The following GSE1 variants were observed in gnomAD, a reference collection of about 807,000 sequenced individuals.
GSE1 encodes Gse1 coiled-coil protein.
Under a neutral mutation model 112.6 loss-of-function variants are expected in GSE1, and 32 were observed. The ratio of observed to expected loss-of-function variants is 0.28; its 90% CI spans 0.21 to 0.38. The LOEUF (loss-of-function observed/expected upper bound fraction) is 0.38. Among genes scored for constraint, GSE1 ranks in the 10% least tolerant of loss-of-function variants. The probability of loss-of-function intolerance (pLI) is 1.00; values close to 1 mark genes in which losing one functional copy is unlikely to be tolerated. For synonymous variants in GSE1, 1,115 were observed against 735.6 expected, an observed-to-expected ratio of 1.52 and a Z score of -8.35; for missense variants, 2,348 against 1,699.2, an observed-to-expected ratio of 1.38 and a Z score of -6.71.
At chr16:85,230,244 C>T (rs1904274964) in intron 1 of GSE1, among the ~76,000 whole-genome samples, 1 of 152,196 alleles carries the variant, frequency 6.6e-6, no homozygotes. Context: ...TTTGTAACCT[C>T]ATTGTTTGTG....
At chr16:85,421,019 C>T (rs920096236) in intron 2 of GSE1, among the ~76,000 whole-genome samples, 3 of 152,246 alleles carry the variant, frequency 2.0e-5, no homozygotes, top group African/African-American at 7.2e-5. Context: ...GTGGCCCCCT[C>T]TGTAAAATGG....
chr16:85,673,750 G>A lies in GSE1; in HGVS notation c.*1211G>A, dbSNP rs915591908. 6.6e-6 allele frequency: 1 copy of A among 152,186 alleles called. No homozygotes were observed. Among genetic ancestry groups the A allele is most frequent in the Non-Finnish European group, 1.5e-5 (1 of 68,038 alleles). The allele number at this position is 152,186 out of a possible 1,614,324, so 9.4% of individuals were successfully genotyped here. ...ACCCATTGCTATCAAGGGAGGAGGG[G>A]GTAGTCTGTAGAACCCATGTGTGAC... On this transcript the variant is annotated 3_prime_UTR_variant, in exon 16 of 16. Transcript: ENST00000253458.
intron 1 of GSE1, among the ~76,000 whole-genome samples, chr16:85,207,044 CGGCTCTT>C: frequency 6.6e-6 from 1 of 152,374 alleles, no homozygotes; most frequent in East Asian, 1.9e-4. Flanking sequence ...CTGCTGGCCC[CGGCTCTT>C]GGCAGGTCCG....
chr16:85,240,643 G>C (rs113078291), intron 1 of GSE1, among the ~76,000 whole-genome samples: 1,674 of 152,296 alleles, frequency 0.011, 31 homozygotes, highest in African/African-American at 0.038. Context: ...GCATGGAGGG[G>C]TCATGAAGAG....
chr16:85,639,514 T>C (rs1567698274), intron 2 of GSE1, among the ~76,000 whole-genome samples: 1 of 152,248 alleles, frequency 6.6e-6, no homozygotes, highest in East Asian at 1.9e-4. Flanking sequence ...CTAGCCTGCC[T>C]TGCGGGTGTG....
chr16:85,475,583 T>C (rs1222543980), intron 2 of GSE1, among the ~76,000 whole-genome samples: 1 of 152,206 alleles, frequency 6.6e-6, no homozygotes, highest in Non-Finnish European at 1.5e-5. Flanking sequence ...ATTTGTAGCA[T>C]GCCTCAGTTT....
At chr16:85,507,943 G>A (rs1033393356) in intron 2 of GSE1, among the ~76,000 whole-genome samples, 6 of 152,178 alleles carry the variant, frequency 3.9e-5, no homozygotes, top group African/African-American at 9.7e-5. Flanking sequence ...CATGTAATGG[G>A]CCCCTGCATG....
intron 1 of GSE1, among the ~76,000 whole-genome samples, chr16:85,230,623 G>A (rs1904276451): frequency 6.6e-6 from 1 of 152,184 alleles, no homozygotes; most frequent in Non-Finnish European, 1.5e-5. Flanking sequence ...AGCAGTTCTA[G>A]GCTGACGTCT....
intron 14 of GSE1, 113 bp downstream of exon 14, chr16:85,668,537 C>G: frequency 1.4e-6 from 1 of 712,234 alleles, no homozygotes. Context: ...TTTCTCCGTC[C>G]TGGGGCACAG....
At chr16:85,223,005 C>T (rs1042729881) in intron 1 of GSE1, among the ~76,000 whole-genome samples, 3 of 152,202 alleles carry the variant, frequency 2.0e-5, no homozygotes, top group Non-Finnish European at 1.5e-5. Context: ...GATAGTCTTA[C>T]CGGACTGCTT....
At chr16:85,454,060 G>T (rs1199532485) in intron 2 of GSE1, among the ~76,000 whole-genome samples, 1 of 152,220 alleles carries the variant, frequency 6.6e-6, no homozygotes, top group Non-Finnish European at 1.5e-5. Context: ...GGGCAGAGTG[G>T]CAGGCTCTAG....
In GSE1 at chr16:85,556,222, T is replaced by C. The variant is rs1364770185; in HGVS notation, c.-105T>C. The C allele has an allele frequency of 7.7e-5, 76 of 985,016 alleles. 2 individuals are homozygous for C. In the South Asian group the frequency reaches 2.0e-3, roughly 26 times the overall value. The allele number at this position is 985,016 out of a possible 1,614,324, so 61.0% of individuals were successfully genotyped here. ...GCCTTTATTTTATTGTTTTGGACAT[T>C]TTTGAGCGCCGTGGCTTGAACGGTG... On this transcript the variant is annotated 5_prime_UTR_variant, in exon 1 of 3. Coordinates refer to the GSE1 transcript ENST00000635906.
chr16:85,573,819 C>T (rs548257225), intron 1 of GSE1, among the ~76,000 whole-genome samples: 1 of 152,212 alleles, frequency 6.6e-6, no homozygotes, highest in African/African-American at 2.4e-5. Context: ...AGTGAGTGTC[C>T]TCCCTGTGTT....
At chr16:85,330,935 G>A (rs930389561) in intron 1 of GSE1, among the ~76,000 whole-genome samples, 6 of 152,054 alleles carry the variant, frequency 3.9e-5, no homozygotes, top group African/African-American at 1.4e-4. Flanking sequence ...ACACGTGGGA[G>A]CTGTTAATGG....
intron 1 of GSE1, among the ~76,000 whole-genome samples, chr16:85,350,605 C>G (rs997568986): frequency 1.3e-5 from 2 of 152,098 alleles, no homozygotes; most frequent in Admixed American, 1.3e-4. Flanking sequence ...CCCCTTCAAG[C>G]TTTGAGGGGC....
chr16:85,500,205 T>TG (rs1003306160), intron 2 of GSE1, among the ~76,000 whole-genome samples: 33 of 152,232 alleles, frequency 2.2e-4, no homozygotes, highest in Admixed American at 1.9e-3. Flanking sequence ...GGAAAAGGTT[T>TG]GTTCTTTTTT....
intron 1 of GSE1, among the ~76,000 whole-genome samples, chr16:85,633,168 A>C (rs2049692130): frequency 6.6e-6 from 1 of 152,044 alleles, no homozygotes; most frequent in East Asian, 1.9e-4. Flanking sequence ...CTCCGGGCAG[A>C]CTCTGTGCCC....
intron 1 of GSE1, among the ~76,000 whole-genome samples, chr16:85,333,299 T>G (rs2046414776): frequency 6.6e-6 from 1 of 152,152 alleles, no homozygotes; most frequent in African/African-American, 2.4e-5. Context: ...CCAGGTCATC[T>G]AGAACAGTCT....
intron 2 of GSE1, among the ~76,000 whole-genome samples, chr16:85,396,591 G>T (rs572661876): frequency 1.3e-5 from 2 of 152,368 alleles, no homozygotes; most frequent in African/African-American, 4.8e-5. Flanking sequence ...GAGGAGAGCA[G>T]TTGGCTGAAC....
Sources: gnomAD v4.1 joint callset for allele counts (sites outside exome capture counted in the v4.1 genomes callset) on GRCh38, gnomAD v4.1.1 for gene constraint, MANE v1.5 for transcripts, NCBI Gene and HGNC (gene_info 2026-07-23, HGNC 2026-07-21) for gene names.